The following RUNX3 variants were observed in gnomAD, a reference collection of about 807,000 sequenced individuals.
The protein encoded by RUNX3 is RUNX family transcription factor 3.
In RUNX3, 10 loss-of-function variants were observed where a neutral mutation model predicts 27.7. The observed-to-expected ratio is 0.36, with a 90% CI of 0.22 to 0.61. RUNX3 has a LOEUF of 0.61. RUNX3 is among the 20% of genes least tolerant of loss of function. The pLI, the probability that RUNX3 is intolerant of heterozygous loss-of-function variation, is 0.72. For synonymous variants in RUNX3, 270 were observed against 269.2 expected (o/e 1.00, Z -0.03); for missense variants, 469 against 629.5 (o/e 0.75, Z 2.73).
At chr1:24,961,140 C>T (rs1642101841) in intron 2 of RUNX3, among the ~76,000 whole-genome samples, 1 of 136,186 alleles carries the variant, frequency 7.3e-6, no homozygotes, top group African/African-American at 2.7e-5. Flanking sequence ...TCCCTTAGCT[C>T]AAAGTCAGAG....
At chr1:24,905,901 G>T (rs1640656207) in intron 4 of RUNX3, among the ~76,000 whole-genome samples, 1 of 152,266 alleles carries the variant, frequency 6.6e-6, no homozygotes, top group Non-Finnish European at 1.5e-5. Context: ...TACCTCTTGA[G>T]AGCAGACCTC....
At chr1:24,908,062 A>ATGCGGTGATC (rs1640708619) in intron 3 of RUNX3, among the ~76,000 whole-genome samples, 1 of 151,696 alleles carries the variant, frequency 6.6e-6, no homozygotes, top group Non-Finnish European at 1.5e-5. Flanking sequence ...CCTCTACGAC[A>ATGCGGTGATC]CACGGTGATC....
chr1:24,951,669 A>G (rs186412991), intron 2 of RUNX3, among the ~76,000 whole-genome samples: 120 of 152,298 alleles, frequency 7.9e-4, no homozygotes, highest in African/African-American at 2.1e-3. Flanking sequence ...GGGCCAAGAG[A>G]AGACCAAGGA....
chr1:24,964,236 C>A (rs1642194612), intron 2 of RUNX3, among the ~76,000 whole-genome samples: 1 of 152,242 alleles, frequency 6.6e-6, no homozygotes, highest in African/African-American at 2.4e-5. Context: ...CCCTTGGCCC[C>A]TCTGAGGGCT....
upstream of RUNX3, among the ~76,000 whole-genome samples, chr1:24,932,777 C>G (rs948438731): frequency 5.3e-4 from 80 of 152,296 alleles, no homozygotes; most frequent in African/African-American, 1.8e-3. Flanking sequence ...CATGCAGACA[C>G]CCTCGCCCTT....
rs1557835391 is a variant in RUNX3, at chr1:24,904,618, C to T, written c.704-1952G>A. 6.6e-6 allele frequency among the ~76,000 whole-genome samples: 1 copy of T among 152,148 alleles called. No homozygotes were observed. The highest frequency in any genetic ancestry group is 6.5e-5 in the Admixed American group (1 of 15,282). ...GTGGGGTGGAAGTGGGTGCTGGCCG[C>T]CTGATGGGAACCCCATTCTCAAGAC... On this transcript the variant is annotated intron_variant, in intron 4 of 4. Coordinates refer to ENST00000308873, the MANE Select transcript of RUNX3 (RefSeq NM_004350.3). This position sits in a 1 kb window ranked among gnomAD's most constrained non-coding sequence, Gnocchi z 5.7.
At chr1:24,918,586 TTCAGTCAG>T (rs367759587) in intron 3 of RUNX3, among the ~76,000 whole-genome samples, 1 of 151,324 alleles carries the variant, frequency 6.6e-6, no homozygotes, top group African/African-American at 2.4e-5. Context: ...CATTCATTCA[TTCAGTCAG>T]TCAGTCAGTC....
At chr1:24,957,830 C>G (rs1359774174) in intron 2 of RUNX3, among the ~76,000 whole-genome samples, 2 of 152,208 alleles carry the variant, frequency 1.3e-5, no homozygotes, top group Admixed American at 1.3e-4. Context: ...AGAGGTGAGG[C>G]ACCTCTCCCA....
chr1:24,917,970 T>TCAGCAGGAGTGTGGC (rs1553202063), intron 3 of RUNX3, among the ~76,000 whole-genome samples: 1 of 152,134 alleles, frequency 6.6e-6, no homozygotes, highest in Admixed American at 6.5e-5. Context: ...ATGTCTGATC[T>TCAGCAGGAGTGTGGC]CAGCAGGAGG....
chr1:24,951,128 C>G (rs1220556490), intron 2 of RUNX3, among the ~76,000 whole-genome samples: 1 of 142,670 alleles, frequency 7.0e-6, no homozygotes, highest in South Asian at 2.2e-4. Context: ...ATTGCTTGAA[C>G]CAGGGAGTTG....
intron 1 of RUNX3, chr1:24,929,122 G>A (rs1299213687): frequency 2.2e-6 from 1 of 460,996 alleles, no homozygotes; most frequent in African/African-American, 2.0e-5. Flanking sequence ...GTAAAATTTC[G>A]GAAGCCCGAG....
chr1:24,908,473 C>T (rs748909848), intron 3 of RUNX3, among the ~76,000 whole-genome samples: 1 of 151,882 alleles, frequency 6.6e-6, no homozygotes, highest in Admixed American at 6.6e-5. Context: ...TATCGAGACC[C>T]CTGTCTGTAC....
intron 1 of RUNX3, chr1:24,929,126 G>T (rs1381837272): frequency 4.3e-6 from 2 of 461,582 alleles, no homozygotes; most frequent in African/African-American, 4.0e-5. Flanking sequence ...AATTTCGGAA[G>T]CCCGAGGGTG....
intron 2 of RUNX3, among the ~76,000 whole-genome samples, chr1:24,951,835 A>C (rs1348226054): frequency 6.6e-6 from 1 of 152,228 alleles, no homozygotes; most frequent in African/African-American, 2.4e-5. Flanking sequence ...AGGCCTCATA[A>C]GAGCTTTTGT....
At chr1:24,950,498 G>A (rs959432420) in intron 2 of RUNX3, among the ~76,000 whole-genome samples, 5 of 152,190 alleles carry the variant, frequency 3.3e-5, no homozygotes, top group Non-Finnish European at 7.3e-5. Flanking sequence ...AATTCAGAGC[G>A]AAAATGATCC....
In RUNX3 at chr1:24,919,206, C is replaced by T. The variant is rs376662782; in HGVS notation, c.544+34G>A. On this transcript the variant is annotated intron_variant, in intron 3 of 4. Coordinates refer to ENST00000308873, the MANE Select transcript of RUNX3 (RefSeq NM_004350.3). ...CTTCCCGCACTGGACCCTCCTCCCC[C>T]GCGCAGGGGCTCAGGGGGCTCGGTG... The T allele has an allele frequency of 1.7e-4, 229 of 1,367,906 alleles. No individual in the cohort carries two copies. In the African/African-American group the frequency reaches 2.6e-3, roughly 15 times the overall value. The allele number at this position is 1,367,906 out of a possible 1,614,324, so 84.7% of individuals were successfully genotyped here.
intron 2 of RUNX3, among the ~76,000 whole-genome samples, chr1:24,957,640 G>C (rs1281495497): frequency 3.3e-5 from 5 of 152,222 alleles, no homozygotes; most frequent in Admixed American, 3.3e-4. Context: ...TCAGACAGAA[G>C]GCTTTTGCAG....
chr1:24,916,079 C>T lies in RUNX3; in HGVS notation c.544+3161G>A, dbSNP rs1052938690. ...ACGACCCGGCCACAGAACCCACAGC[C>T]GGCCTCAGGGATCTACAGATTCCCA... On this transcript the variant is annotated intron_variant, in intron 3 of 4. Coordinates refer to ENST00000308873, the MANE Select transcript of RUNX3 (RefSeq NM_004350.3). The surrounding 1 kb of genome is among the most constrained non-coding windows in gnomAD (Gnocchi z 4.8). Among the ~76,000 whole-genome samples the T allele has an allele frequency of 5.3e-5, 8 of 152,336 alleles. No individual in the cohort carries two copies. Among genetic ancestry groups the T allele is most frequent in the East Asian group, 3.9e-4 (2 of 5,186 alleles).
chr1:24,914,911 C>G (rs1349513900), intron 3 of RUNX3, among the ~76,000 whole-genome samples: 1 of 152,222 alleles, frequency 6.6e-6, no homozygotes, highest in Non-Finnish European at 1.5e-5. Context: ...GAGGCCTCCC[C>G]GCCCCATCCC....
Sources: allele counts gnomAD v4.1 joint callset (sites outside exome capture counted in the v4.1 genomes callset), GRCh38; gene constraint gnomAD v4.1.1; non-coding constraint Gnocchi (gnomAD v3.1); transcripts MANE v1.5; gene names NCBI Gene and HGNC (gene_info 2026-07-23, HGNC 2026-07-21).